Variants in RFPL1 observed in about 807,000 individuals in gnomAD.
RFPL1 encodes ret finger protein-like 1.
A neutral mutation model predicts 9.6 loss-of-function variants in RFPL1; 6 were observed. The observed-to-expected ratio is 0.62, with a 90% CI of 0.34 to 1.23. The LOEUF (loss-of-function observed/expected upper bound fraction) is 1.23, where lower values mean the gene tolerates loss of function less well. Among genes scored for constraint, RFPL1 ranks in the 50% most tolerant of loss-of-function variants. The pLI, the probability that RFPL1 is intolerant of heterozygous loss-of-function variation, is 0.03. For synonymous variants in RFPL1, 145 were observed against 149.4 expected, an observed-to-expected ratio of 0.97 and a Z score of 0.22; for missense variants, 352 against 398.4, an observed-to-expected ratio of 0.88 and a Z score of 0.99.
chr22:29,431,650 C>CA, the RFPL1 span, among the ~76,000 whole-genome samples: 281 of 151,170 alleles, frequency 1.9e-3, no homozygotes, highest in African/African-American at 6.6e-3. Context: ...AATTTTAATA[C>CA]AAAAAAGTTA....
chr22:29,411,002 C>T, the RFPL1 span, among the ~76,000 whole-genome samples: 1 of 152,106 alleles, frequency 6.6e-6, no homozygotes, highest in Admixed American at 6.5e-5. Flanking sequence ...AGAAGAACAC[C>T]CGCCCCATCC....
the RFPL1 span, among the ~76,000 whole-genome samples, chr22:29,395,482 C>T: frequency 6.6e-6 from 1 of 152,104 alleles, no homozygotes; most frequent in South Asian, 2.1e-4. Context: ...GCAGAGAGGC[C>T]TAGAGCTTGC....
At chr22:29,423,681 A>G in the RFPL1 span, among the ~76,000 whole-genome samples, 1 of 152,200 alleles carries the variant, frequency 6.6e-6, no homozygotes, top group Non-Finnish European at 1.5e-5. Context: ...CAGCATCATC[A>G]AGGCACGATG....
the RFPL1 span, among the ~76,000 whole-genome samples, chr22:29,393,807 C>G: frequency 2.0e-5 from 3 of 152,130 alleles, no homozygotes; most frequent in African/African-American, 7.2e-5. Flanking sequence ...CAGAGTCTCA[C>G]TCTTTTTGCC....
the RFPL1 span, among the ~76,000 whole-genome samples, chr22:29,419,827 A>G: frequency 5.3e-5 from 8 of 151,846 alleles, no homozygotes; most frequent in Non-Finnish European, 8.8e-5. Context: ...GAAAAGAAAA[A>G]AAAAGAAACT....
the RFPL1 span, among the ~76,000 whole-genome samples, chr22:29,424,832 C>CA: frequency 6.7e-5 from 5 of 75,004 alleles, no homozygotes; most frequent in African/African-American, 2.6e-4. Context: ...CTGTCCCTCC[C>CA]ACCCCCCCCC....
At chr22:29,436,025 T>G (rs556867519), upstream of RFPL1, among the ~76,000 whole-genome samples, 1 of 152,034 alleles carries the variant, frequency 6.6e-6, no homozygotes, top group Non-Finnish European at 1.5e-5. Context: ...AGCATAGAAT[T>G]GTGGGTATAG....
chr22:29,410,459 T>G, the RFPL1 span, among the ~76,000 whole-genome samples: 1 of 101,174 alleles, frequency 9.9e-6, no homozygotes, highest in Non-Finnish European at 1.8e-5. Context: ...TATAGATATA[T>G]ATATCTATAT....
chr22:29,439,218 T>C lies in RFPL1; in HGVS notation c.373+54T>C. On this transcript the variant is annotated intron_variant, in intron 1 of 1. Coordinates refer to ENST00000354373, the Ensembl canonical transcript of RFPL1. ...CCTACGACCAGACCAGGAAAAATCATCTGTGCAACTGGCCCCTCATTCCAT... is the reference window on the plus strand; with the variant it reads ...CCTACGACCAGACCAGGAAAAATCACCTGTGCAACTGGCCCCTCATTCCAT... The C allele has an allele frequency of 2.6e-6, 4 of 1,567,822 alleles. No homozygotes were observed. The South Asian group carries it at 3.6e-5, about 14-fold the overall frequency.
the RFPL1 span, among the ~76,000 whole-genome samples, chr22:29,414,468 T>C: frequency 6.6e-6 from 1 of 152,338 alleles, no homozygotes; most frequent in South Asian, 2.1e-4. Flanking sequence ...GATGGCTTTT[T>C]TTTTCCTGGT....
chr22:29,439,829 G>C (rs1234411114), intron 1 of RFPL1: 3 of 152,400 alleles, frequency 2.0e-5, no homozygotes, highest in Non-Finnish European at 4.4e-5. Flanking sequence ...TCTAGCAAAG[G>C]TTCCCAGGAC....
chr22:29,431,478 C>T, the RFPL1 span, among the ~76,000 whole-genome samples: 7 of 152,162 alleles, frequency 4.6e-5, no homozygotes, highest in African/African-American at 1.7e-4. Flanking sequence ...CTTTCAGCTA[C>T]TTAGGAGGGG....
chr22:29,395,048 C>A, the RFPL1 span, among the ~76,000 whole-genome samples: 6 of 152,168 alleles, frequency 3.9e-5, no homozygotes, highest in Non-Finnish European at 8.8e-5. Context: ...TTCTGATACT[C>A]AGAATCTCAG....
upstream of RFPL1, chr22:29,436,691 G>A (rs914212204): frequency 6.6e-6 from 1 of 151,418 alleles, no homozygotes; most frequent in Non-Finnish European, 1.5e-5. Flanking sequence ...AAATATTACT[G>A]TGTGCCATAA....
At chr22:29,388,684 G>C in the RFPL1 span, 2 of 152,358 alleles carry the variant, frequency 1.3e-5, no homozygotes, top group Admixed American at 6.5e-5. Flanking sequence ...GAGCCCAACG[G>C]TATTAACCCC....
At chr22:29,417,364 A>G in the RFPL1 span, among the ~76,000 whole-genome samples, 8 of 151,996 alleles carry the variant, frequency 5.3e-5, no homozygotes, top group South Asian at 1.7e-3. Context: ...TGGCTTCCAA[A>G]GGGCTCTCTG....
At chr22:29,421,638 C>T in the RFPL1 span, among the ~76,000 whole-genome samples, 3 of 151,382 alleles carry the variant, frequency 2.0e-5, no homozygotes, top group African/African-American at 4.8e-5. Context: ...TGGGGCGCCA[C>T]TGTGCCTGGC....
the RFPL1 span, among the ~76,000 whole-genome samples, chr22:29,398,028 G>GA: frequency 7.2e-4 from 109 of 152,314 alleles, no homozygotes; most frequent in Non-Finnish European, 1.4e-3. Context: ...AATTCCCCAC[G>GA]CAAAGCAGCA....
chr22:29,412,701 C>T, the RFPL1 span, among the ~76,000 whole-genome samples: 2 of 152,088 alleles, frequency 1.3e-5, no homozygotes, highest in Non-Finnish European at 2.9e-5. Flanking sequence ...GAACACACTC[C>T]AGAGATGAGT....
Sources: gnomAD v4.1 joint callset for allele counts (sites outside exome capture counted in the v4.1 genomes callset) on GRCh38, gnomAD v4.1.1 for gene constraint, MANE v1.5 for transcripts, NCBI Gene and HGNC (gene_info 2026-07-23, HGNC 2026-07-21) for gene names.